NEK9: variants seen among roughly 807,000 people sequenced by gnomAD.
NEK9 encodes the protein NIMA related kinase 9.
A neutral mutation model predicts 123.4 loss-of-function variants in NEK9; 75 were observed. The observed-to-expected ratio is 0.61, with a 90% confidence interval of 0.50 to 0.74. The LOEUF is 0.74. Among genes scored for constraint, NEK9 ranks in the 30% least tolerant of loss-of-function variants. The pLI, the probability that NEK9 is intolerant of heterozygous loss-of-function variation, is 0.00. For synonymous variants in NEK9, 438 were observed against 458.7 expected (o/e 0.95, Z 0.58); for missense variants, 952 against 1,214.4 (o/e 0.78, Z 3.21).
At chr14:75,098,931 C>T (rs549867372) in intron 16 of NEK9, among the ~76,000 whole-genome samples, 2 of 152,306 alleles carry the variant, frequency 1.3e-5, no homozygotes, top group Admixed American at 6.5e-5. Flanking sequence ...TCCTGTGTAA[C>T]GTTTCCATTT....
intron 16 of NEK9, among the ~76,000 whole-genome samples, chr14:75,100,612 C>A (rs1351141504): frequency 6.6e-6 from 1 of 152,210 alleles, no homozygotes; most frequent in Non-Finnish European, 1.5e-5. Context: ...CCCCAGCCAA[C>A]AGAGAAAATA....
At position 75,101,098 on chromosome 14, in the gene NEK9, C is replaced by T. The variant is rs772795519; in HGVS notation, c.1896G>A (p.Gly632=). The change falls in exon 16 of 22, where the codon GGG becomes GGA. Residue 632 remains glycine, a synonymous_variant. Transcript: ENST00000238616. The part of the protein sequence containing the change: ...GCNKCGQLGV[G]NYKKRLGINL... ...TGATTCCCAGACGCTTCTTGTAGTT[C>T]CCAACGCCCAGCTGCCCACACTTGT... 5 of 1,614,250 alleles carry T rather than the reference C, an allele frequency of 3.1e-6. No individual in the cohort carries two copies. The Admixed American group carries it at 8.3e-5, about 27-fold the overall frequency.
rs892200388 is a variant in NEK9 at position 75,082,853 on chromosome 14, G to A, written c.*1711C>T. 2 of 397,574 alleles carry A rather than the reference G, an allele frequency of 5.0e-6. No individual in the cohort carries two copies. Among genetic ancestry groups the A allele is most frequent in the East Asian group, 3.6e-5 (1 of 28,062 alleles). 24.6% of individuals were successfully genotyped at this position (397,574 alleles called of 1,614,324 possible). A position where few individuals can be genotyped will look rare whatever the true frequency, so the allele number is the denominator to read the frequency against. The stretch of plus-strand genomic sequence containing the variant: ...ACTGTTACAGTTTATGACAACCCCC[G>A]CAAGTCCCCAGAACTTGCAACTTTA... On this transcript the variant is annotated 3_prime_UTR_variant, in exon 22 of 22. Transcript: ENST00000238616.
chr14:75,123,410 A>T (rs11850751), intron 2 of NEK9, among the ~76,000 whole-genome samples: 57,653 of 145,290 alleles, frequency 0.4, 12,098 homozygotes, highest in East Asian at 0.83. Context: ...ATCTCAAAAA[A>T]AATAATAATA....
Position 75,126,765 on chromosome 14 carries a change from T to C in NEK9, c.157A>G (p.Ile53Val). The change falls in exon 1 of 22, where the codon ATC becomes GTC. Residue 53 changes from isoleucine (I) to valine (V), a missense_variant. This residue lies in a region of NEK9 where 120 missense variants were observed against 97.6 expected (regional missense o/e 1.23). Coordinates refer to ENST00000238616, the MANE Select transcript of NEK9 (RefSeq NM_033116.6). ...GAAEQEELHY[I>V]PIRVLGRGAF... ...CCGCGGCCCAGGACGCGGATGGGGA[T>C]GTAGTGCAGTTCCTCCTGCTCCGCC... 1.3e-6 allele frequency: 2 copies of C among 1,525,424 alleles called. No individual in the cohort carries two copies. Among genetic ancestry groups the C allele is most frequent in the Non-Finnish European group, 1.8e-6 (2 of 1,137,456 alleles). The allele number at this position is 1,525,424 out of a possible 1,614,324, so 94.5% of individuals were successfully genotyped here.
At chr14:75,113,455 G>T in intron 7 of NEK9, 52 bp from the exon 8 acceptor site, 1 of 1,264,902 alleles carries the variant, frequency 7.9e-7, no homozygotes, top group Non-Finnish European at 1.1e-6. Flanking sequence ...GGGCGACATC[G>T]GATCTAAAGA....
At chr14:75,103,021 C>T (rs1247286311) in intron 14 of NEK9, among the ~76,000 whole-genome samples, 1 of 148,212 alleles carries the variant, frequency 6.7e-6, no homozygotes, top group Non-Finnish European at 1.5e-5. Flanking sequence ...GGAAGGGGAA[C>T]ATCACACACC....
At position 75,113,363 on chromosome 14, in the gene NEK9, C is replaced by T. The variant is rs192831803; in HGVS notation, c.914G>A (p.Arg305His). 28 of 1,613,244 alleles carry T rather than the reference C, an allele frequency of 1.7e-5. No homozygotes were observed. The East Asian group carries it at 2.9e-4, about 17-fold the overall frequency. The change falls in exon 8 of 22, where the codon CGC becomes CAC. Residue 305 changes from arginine to histidine, a missense_variant. Arg to His is a conservative substitution (Grantham distance 29, BLOSUM62 0). This residue lies in a region of NEK9 where 698 missense variants were observed against 875.6 expected (regional missense o/e 0.80). Transcript: ENST00000238616. ...CCTCCTGCGTTTCCTGAGAAGAGGG[C>T]GATCTAGAAGTTCATCTGCAGTAGG... The part of the protein sequence containing the change: ...QRPTADELLD[R>H]PLLRKRRREM...
intron 2 of NEK9, 28 bp downstream of exon 2, chr14:75,124,017 TG>T: frequency 1.3e-6 from 2 of 1,580,358 alleles, no homozygotes; most frequent in Non-Finnish European, 1.7e-6. Flanking sequence ...AAAGTCTTGC[TG>T]GAAAAGTCCC....
intron 13 of NEK9, among the ~76,000 whole-genome samples, chr14:75,105,362 T>C (rs1327304856): frequency 6.6e-6 from 1 of 151,656 alleles, no homozygotes; most frequent in Admixed American, 6.6e-5. Context: ...ATAAATGGTA[T>C]AGCTGATTTA....
intron 5 of NEK9, among the ~76,000 whole-genome samples, chr14:75,117,890 A>G (rs1159216195): frequency 6.6e-6 from 1 of 152,250 alleles, no homozygotes; most frequent in Non-Finnish European, 1.5e-5. Context: ...TGCCTCTCCC[A>G]AGATGAGATA....
intron 8 of NEK9, among the ~76,000 whole-genome samples, chr14:75,111,354 A>T (rs572413783): frequency 3.9e-5 from 6 of 152,310 alleles, no homozygotes; most frequent in Non-Finnish European, 5.9e-5. Context: ...GATATTTTGC[A>T]TCAAAAATCC....
chr14:75,093,526 T>A (rs933206962), intron 18 of NEK9, among the ~76,000 whole-genome samples: 1 of 152,230 alleles, frequency 6.6e-6, no homozygotes, highest in African/African-American at 2.4e-5. Context: ...CAATCGTGGC[T>A]CACTGCAACC....
intron 16 of NEK9, among the ~76,000 whole-genome samples, chr14:75,098,727 G>C (rs1894468208): frequency 6.6e-6 from 1 of 152,176 alleles, no homozygotes; most frequent in South Asian, 2.1e-4. Flanking sequence ...AGGCCATCAA[G>C]TACAGTTCAG....
At chr14:75,107,605 G>C (rs1390258023) in intron 10 of NEK9, 118 bp from the exon 11 acceptor site, 5 of 792,032 alleles carry the variant, frequency 6.3e-6, no homozygotes, top group African/African-American at 1.8e-5. Context: ...CTGGGCTCAA[G>C]TGATCCTCCT....
chr14:75,114,812 T>C (rs543471201), intron 6 of NEK9, among the ~76,000 whole-genome samples: 35 of 152,198 alleles, frequency 2.3e-4, no homozygotes, highest in South Asian at 6.2e-4. Context: ...GCACATTACA[T>C]ATATGATATT....
At chr14:75,120,869 T>C (rs1216611636) in intron 3 of NEK9, 2 of 616,172 alleles carry the variant, frequency 3.2e-6, no homozygotes, top group Non-Finnish European at 5.8e-6. Flanking sequence ...AAACTGGGCA[T>C]ACCAGTACGC....
At chr14:75,098,115 T>C (rs752521671) in intron 16 of NEK9, among the ~76,000 whole-genome samples, 8 of 151,930 alleles carry the variant, frequency 5.3e-5, no homozygotes, top group Non-Finnish European at 1.2e-4. Context: ...GGGAGACCAG[T>C]TGTAGTGGAG....
intron 2 of NEK9, among the ~76,000 whole-genome samples, chr14:75,122,186 G>T (rs1281076409): frequency 6.6e-6 from 1 of 151,714 alleles, no homozygotes; most frequent in African/African-American, 2.4e-5. Context: ...TAATAACTCA[G>T]TTTCAATAAA....
Sources: gnomAD v4.1 joint callset for allele counts (sites outside exome capture counted in the v4.1 genomes callset) on GRCh38, gnomAD v4.1.1 for gene constraint, gnomAD v4.1.1 regional missense constraint, MANE v1.5 for transcripts, NCBI Gene and HGNC (gene_info 2026-07-23, HGNC 2026-07-21) for gene names.